PHACTR1: variants seen among roughly 807,000 people sequenced by gnomAD.
PHACTR1 encodes RPEL repeat containing 1.
Under a neutral mutation model 69.2 loss-of-function variants are expected in PHACTR1, and 16 were observed. The ratio of observed to expected loss-of-function variants is 0.23; its 90% CI spans 0.16 to 0.35. PHACTR1 has a LOEUF of 0.35. PHACTR1 is among the 10% of genes least tolerant of loss of function. The pLI is 1.00. For synonymous variants in PHACTR1, 312 were observed against 284.5 expected (o/e 1.10, Z -0.97); for missense variants, 510 against 734.7 (o/e 0.69, Z 3.54).
At chr6:13,258,362 G>GAAAA (rs60311779) in intron 10 of PHACTR1, among the ~76,000 whole-genome samples, 253 of 144,852 alleles carry the variant, frequency 1.7e-3, no homozygotes, top group Non-Finnish European at 2.4e-3. Flanking sequence ...CTTAAAAAAA[G>GAAAA]AAAAAAAAAA....
At chr6:13,152,826 A>AG (rs1201680028) in intron 5 of PHACTR1, among the ~76,000 whole-genome samples, 2 of 152,190 alleles carry the variant, frequency 1.3e-5, no homozygotes, top group East Asian at 1.9e-4. Flanking sequence ...AGGGCCACAC[A>AG]GGGGGAGGTA....
At chr6:12,811,321 T>C (rs1243174318) in intron 4 of PHACTR1, among the ~76,000 whole-genome samples, 1 of 152,244 alleles carries the variant, frequency 6.6e-6, no homozygotes, top group Non-Finnish European at 1.5e-5. Context: ...ACTGGGTTTA[T>C]TTAAAACCAT....
intron 4 of PHACTR1, among the ~76,000 whole-genome samples, chr6:12,986,772 G>A (rs1252879363): frequency 6.6e-6 from 1 of 152,180 alleles, no homozygotes; most frequent in Non-Finnish European, 1.5e-5. Flanking sequence ...GAGCTTTGAA[G>A]GGGAGGCGGT....
chr6:13,143,023 C>T (rs1822746670), intron 5 of PHACTR1, among the ~76,000 whole-genome samples: 1 of 152,210 alleles, frequency 6.6e-6, no homozygotes, highest in Admixed American at 6.5e-5. Context: ...AAGTGCCCAG[C>T]ACAGAAAGAC....
chr6:13,059,485 CACACACACAA>C (rs998363459), intron 5 of PHACTR1, among the ~76,000 whole-genome samples: 4 of 140,216 alleles, frequency 2.9e-5, no homozygotes, highest in Non-Finnish European at 4.9e-5. Flanking sequence ...CACACACACA[CACACACACAA>C]AACCCACAGA....
At chr6:12,837,994 A>T (rs566421131) in intron 4 of PHACTR1, among the ~76,000 whole-genome samples, 1 of 152,212 alleles carries the variant, frequency 6.6e-6, no homozygotes, top group South Asian at 2.1e-4. Context: ...TTCCAAGCTC[A>T]TGTCATTGTC....
At chr6:12,879,046 C>G (rs1782821186) in intron 4 of PHACTR1, among the ~76,000 whole-genome samples, 1 of 152,164 alleles carries the variant, frequency 6.6e-6, no homozygotes. Context: ...TGATGGCTCA[C>G]AGTTTCAATA....
At chr6:12,877,715 C>T (rs1430650998) in intron 4 of PHACTR1, among the ~76,000 whole-genome samples, 1 of 152,188 alleles carries the variant, frequency 6.6e-6, no homozygotes, top group African/African-American at 2.4e-5. Context: ...CAAGCTACTC[C>T]TCCTTTATCA....
intron 3 of PHACTR1, among the ~76,000 whole-genome samples, chr6:12,722,093 A>G (rs1007730036): frequency 6.6e-6 from 1 of 152,202 alleles, no homozygotes; most frequent in East Asian, 1.9e-4. Context: ...AGTAGCCCCA[A>G]TTTGATTACT....
In PHACTR1 at chr6:13,168,166, A is replaced by C. The variant is rs534572928; in HGVS notation, c.496+7882A>C. On this transcript the variant is annotated intron_variant, in intron 6 of 14. Transcript: ENST00000332995. ...GGAGTAACCATGTGAAAATGAAAAGAGTGTTTACTTTCAGCATCAACAACC... is the reference window on the plus strand; with the variant it reads ...GGAGTAACCATGTGAAAATGAAAAGCGTGTTTACTTTCAGCATCAACAACC... Among the ~76,000 whole-genome samples the C allele has an allele frequency of 6.2e-4, 95 of 152,358 alleles. 2 individuals carry two copies. Among genetic ancestry groups the C allele is most frequent in the African/African-American group, 2.0e-3 (84 of 41,578 alleles).
intron 10 of PHACTR1, among the ~76,000 whole-genome samples, chr6:13,235,744 AACAT>A (rs1771891467): frequency 6.6e-6 from 1 of 152,206 alleles, no homozygotes; most frequent in African/African-American, 2.4e-5. Flanking sequence ...AAGACTCCAA[AACAT>A]GACCTATTTG....
chr6:12,791,910 A>T (rs1184887367), intron 4 of PHACTR1, among the ~76,000 whole-genome samples: 1 of 152,164 alleles, frequency 6.6e-6, no homozygotes, highest in Non-Finnish European at 1.5e-5. Context: ...TGTGTTTCAT[A>T]ATATGAGGTT....
At position 13,198,189 on chromosome 6, in the gene PHACTR1, C is replaced by T. The variant is rs576393627; in HGVS notation, c.665-7626C>T. On this transcript the variant is annotated intron_variant, in intron 7 of 14. Coordinates refer to ENST00000332995, the MANE Select transcript of PHACTR1 (RefSeq NM_030948.6). ...CAGGTAAAACAGGAGGAAATAGCCA[C>T]GCTCAGTGAAATTTAATAATTACTA... Among the ~76,000 whole-genome samples the T allele has an allele frequency of 8.5e-5, 13 of 152,284 alleles. No homozygotes were observed. The South Asian group carries it at 2.5e-3, about 29-fold the overall frequency.
At chr6:12,931,761 G>A (rs1788900301) in intron 4 of PHACTR1, among the ~76,000 whole-genome samples, 1 of 151,548 alleles carries the variant, frequency 6.6e-6, no homozygotes, top group African/African-American at 2.4e-5. Flanking sequence ...TTCTGTTAGT[G>A]CAGGCAAGCA....
intron 5 of PHACTR1, among the ~76,000 whole-genome samples, chr6:13,062,580 T>C (rs1370838557): frequency 6.6e-6 from 1 of 152,126 alleles, no homozygotes; most frequent in Non-Finnish European, 1.5e-5. Context: ...CCTTTGGACC[T>C]GATGGTGATA....
At chr6:12,997,079 C>T (rs190652409) in intron 4 of PHACTR1, among the ~76,000 whole-genome samples, 150 of 151,860 alleles carry the variant, frequency 9.9e-4, no homozygotes, top group Admixed American at 2.8e-3. Flanking sequence ...GCAGGAGAAT[C>T]GCTTGAACCT....
At chr6:13,075,919 G>A (rs1279855124) in intron 5 of PHACTR1, among the ~76,000 whole-genome samples, 2 of 151,904 alleles carry the variant, frequency 1.3e-5, no homozygotes, top group African/African-American at 2.4e-5. Context: ...GATTAATACA[G>A]CTAAGAATTT....
chr6:13,009,396 G>T (rs1374571820), intron 4 of PHACTR1, among the ~76,000 whole-genome samples: 2 of 152,014 alleles, frequency 1.3e-5, no homozygotes, highest in Non-Finnish European at 2.9e-5. Context: ...AGGAAAAGAA[G>T]ATTTTTATAA....
Position 13,160,238 on chromosome 6 carries a change from A to G in PHACTR1, c.450A>G (p.Arg150=). The G allele has an allele frequency of 1.2e-6, 2 of 1,613,882 alleles. No homozygotes were observed. The highest frequency in any genetic ancestry group is 2.2e-5 in the South Asian group (2 of 91,080). The part of the protein sequence containing the change: ...LERKISMRQS[R]EELIKRGVLK... ...GGAAAATATCTATGAGGCAAAGCAG[A>G]GAAGAGCTGATAAAGCGAGGAGTCC... The change falls in exon 6 of 15, where the codon AGA becomes AGG. Residue 150 remains arginine (R), a synonymous_variant. Transcript: ENST00000332995.
Sources: gnomAD v4.1 joint callset for allele counts (sites outside exome capture counted in the v4.1 genomes callset) on GRCh38, gnomAD v4.1.1 for gene constraint, MANE v1.5 for transcripts, NCBI Gene and HGNC (gene_info 2026-07-23, HGNC 2026-07-21) for gene names.